Variants in EPHX1 observed in about 807,000 individuals in gnomAD.
EPHX1 encodes epoxide hydrolase 1, also known as epoxide hydratase.
A neutral mutation model predicts 43.2 loss-of-function variants in EPHX1; 40 were observed. The observed-to-expected ratio is 0.93, with a 90% confidence interval of 0.72 to 1.21. EPHX1 has a LOEUF of 1.21. Ranked by LOEUF, EPHX1 falls within the 50% of genes most tolerant of loss-of-function variation. EPHX1 has a pLI of 0.00. For synonymous variants in EPHX1, 221 were observed against 226.7 expected (o/e 0.98, Z 0.22); for missense variants, 550 against 570.4 (o/e 0.96, Z 0.36).
At chr1:225,844,813 C>T (rs1668794779) in intron 8 of EPHX1, among the ~76,000 whole-genome samples, 190 bp downstream of exon 8, 1 of 152,142 alleles carries the variant, frequency 6.6e-6, no homozygotes, top group Admixed American at 6.5e-5. Flanking sequence ...GGACCAGGTG[C>T]CTGGCTCCCG....
intron 1 of EPHX1, among the ~76,000 whole-genome samples, chr1:225,818,658 T>C (rs1179338707): frequency 6.6e-6 from 1 of 152,100 alleles, no homozygotes; most frequent in Non-Finnish European, 1.5e-5. Context: ...TGTTTCTCCA[T>C]AATATTGATA....
chr1:225,838,611 G>T (rs1559024128), intron 3 of EPHX1, 43 bp from the exon 4 acceptor site: 1 of 1,566,172 alleles, frequency 6.4e-7, no homozygotes, highest in South Asian at 1.1e-5. Context: ...ACCGTGCAGG[G>T]TCTTCTCTCT....
chr1:225,843,161 T>A (rs41359248), intron 7 of EPHX1, among the ~76,000 whole-genome samples: 1 of 151,998 alleles, frequency 6.6e-6, no homozygotes, highest in Non-Finnish European at 1.5e-5. Context: ...GCCCAGTACA[T>A]AGATGTTGAA....
At chr1:225,832,167 T>C (rs1667642377) in intron 3 of EPHX1, 1 of 604,514 alleles carries the variant, frequency 1.7e-6, no homozygotes, top group South Asian at 1.9e-5. Flanking sequence ...CAGGAACACA[T>C]ACATGCAATT....
At chr1:225,826,938 C>G (rs1046886077) in intron 1 of EPHX1, among the ~76,000 whole-genome samples, 3 of 151,866 alleles carry the variant, frequency 2.0e-5, no homozygotes, top group Admixed American at 6.6e-5. Context: ...GATAGAAACG[C>G]GGAGGTGGGG....
intron 3 of EPHX1, among the ~76,000 whole-genome samples, chr1:225,834,591 A>AAT (rs1445588892): frequency 2.7e-5 from 4 of 149,094 alleles, no homozygotes; most frequent in Non-Finnish European, 4.5e-5. Context: ...AAGAACACTA[A>AAT]AAAAAAAAAA....
At chr1:225,812,662 C>T (rs1187620325) in intron 1 of EPHX1, among the ~76,000 whole-genome samples, 1 of 152,226 alleles carries the variant, frequency 6.6e-6, no homozygotes, top group Non-Finnish European at 1.5e-5. Flanking sequence ...CAGGCCCAGA[C>T]ATGTGAAAGC....
intron 1 of EPHX1, among the ~76,000 whole-genome samples, chr1:225,825,888 T>A (rs547834179): frequency 3.1e-4 from 47 of 152,346 alleles, no homozygotes; most frequent in African/African-American, 1.1e-3. Context: ...TGTCTCCCAG[T>A]CCCTAACCCC....
chr1:225,827,154 C>T (rs922235842), intron 1 of EPHX1, among the ~76,000 whole-genome samples: 1 of 152,178 alleles, frequency 6.6e-6, no homozygotes, highest in African/African-American at 2.4e-5. Flanking sequence ...TGCAACCCCC[C>T]AGCAGAGTCC....
chr1:225,828,304 A>T (rs1667364766), intron 1 of EPHX1, among the ~76,000 whole-genome samples: 1 of 151,654 alleles, frequency 6.6e-6, no homozygotes, highest in Admixed American at 6.6e-5. Context: ...AGATTGTGCC[A>T]CTGCACTCCA....
intron 7 of EPHX1, among the ~76,000 whole-genome samples, chr1:225,843,605 T>C (rs1388395047): frequency 6.6e-6 from 1 of 152,152 alleles, no homozygotes; most frequent in Non-Finnish European, 1.5e-5. Context: ...CCCACCAGAC[T>C]ATCCCACTAG....
intron 1 of EPHX1, among the ~76,000 whole-genome samples, chr1:225,815,371 C>T (rs1253726657): frequency 3.2e-5 from 3 of 94,334 alleles, no homozygotes; most frequent in Non-Finnish European, 8.0e-5. Flanking sequence ...TCCCAAGTAG[C>T]TGGGATTACA....
chr1:225,811,073 G>A (rs1298310655), intron 1 of EPHX1, among the ~76,000 whole-genome samples: 1 of 152,174 alleles, frequency 6.6e-6, no homozygotes, highest in Non-Finnish European at 1.5e-5. Flanking sequence ...CGGGATTGAA[G>A]GCCAGCCCTC....
Position 225,839,930 on chromosome 1 carries a change from C to T in EPHX1, c.824C>T (p.Thr275Ile), listed in dbSNP as rs544656267. ...GQRFGRFLGL[T>I]ERDVELLYPV... ...CGTTTCGGGAGGTTTCTTGGCCTCA[C>T]TGAGAGGGATGTGGAGCTGCTGTAC... is the stretch of plus-strand genomic sequence containing the variant. The change falls in exon 6 of 9, where the codon ACT (threonine) becomes ATT (isoleucine). Residue 275 changes from threonine to isoleucine, a missense_variant. Physicochemically the swap from Thr to Ile is moderately conservative, Grantham distance 89 (BLOSUM62 -1). Coordinates refer to ENST00000272167, the MANE Select transcript of EPHX1 (RefSeq NM_001136018.4). 1.2e-6 allele frequency: 2 copies of T among 1,614,126 alleles called. No individual in the cohort carries two copies. Among genetic ancestry groups the T allele is most frequent in the African/African-American group, 2.7e-5 (2 of 74,926 alleles).
At chr1:225,811,348 A>G (rs1403944336) in intron 1 of EPHX1, among the ~76,000 whole-genome samples, 2 of 151,944 alleles carry the variant, frequency 1.3e-5, no homozygotes, top group East Asian at 1.9e-4. Flanking sequence ...CCCACCTCCC[A>G]TTGTTTAAAC....
At chr1:225,814,149 C>T (rs1575973599) in intron 1 of EPHX1, among the ~76,000 whole-genome samples, 1 of 152,196 alleles carries the variant, frequency 6.6e-6, no homozygotes, top group East Asian at 1.9e-4. Context: ...CACCTGTAAT[C>T]CCAGCATTTT....
chr1:225,830,845 G>A (rs1412969576), intron 2 of EPHX1, among the ~76,000 whole-genome samples: 1 of 152,164 alleles, frequency 6.6e-6, no homozygotes, highest in Non-Finnish European at 1.5e-5. Flanking sequence ...CAGGCCCATA[G>A]ACCAAATGTA....
In EPHX1 at chr1:225,844,177, G is replaced by A. The variant is rs927898466; in HGVS notation, c.1041-321G>A. On this transcript the variant is annotated intron_variant, in intron 7 of 8. Coordinates refer to ENST00000272167, the MANE Select transcript of EPHX1 (RefSeq NM_001136018.4). Reference sequence around the variant, plus strand: ...GTATGTGGTCACCACAGTAGCTGGTGCCCTGAGCAGTTTCACGGTGCAGGG... The same window carrying A: ...GTATGTGGTCACCACAGTAGCTGGTACCCTGAGCAGTTTCACGGTGCAGGG... Among the ~76,000 whole-genome samples, 4 of 152,098 alleles carry A rather than the reference G, an allele frequency of 2.6e-5. No homozygotes were observed. In the East Asian group the frequency reaches 5.8e-4, roughly 22 times the overall value.
At chr1:225,840,093 C>A (rs1026908632) in intron 6 of EPHX1, 56 bp downstream of exon 6, 1 of 1,577,848 alleles carries the variant, frequency 6.3e-7, no homozygotes, top group Admixed American at 1.7e-5. Context: ...CAGGGAGACA[C>A]CCGCGGGGTA....
Sources: allele counts gnomAD v4.1 joint callset (sites outside exome capture counted in the v4.1 genomes callset), GRCh38; gene constraint gnomAD v4.1.1; transcripts MANE v1.5; gene names NCBI Gene and HGNC (gene_info 2026-07-23, HGNC 2026-07-21).